The following DPPA4 variants were observed in gnomAD, a reference collection of about 807,000 sequenced individuals.
DPPA4 encodes the protein developmental pluripotency associated 4, also known as developmental pluripotency-associated protein 4.
In DPPA4, 22 loss-of-function variants were observed where a neutral mutation model predicts 33.7. The ratio of observed to expected loss-of-function variants is 0.65; its 90% CI spans 0.47 to 0.93. DPPA4 has a LOEUF of 0.93. Ranked by LOEUF, DPPA4 falls within the 40% of genes least tolerant of loss-of-function variation. The pLI is 0.00. For synonymous variants in DPPA4, 156 were observed against 132.3 expected, an observed-to-expected ratio of 1.18 and a Z score of -1.23; for missense variants, 340 against 358.6, an observed-to-expected ratio of 0.95 and a Z score of 0.42.
At chr3:109,337,977 CTAAG>C (rs1362968644), upstream of DPPA4, among the ~76,000 whole-genome samples, 1 of 152,212 alleles carries the variant, frequency 6.6e-6, no homozygotes, top group South Asian at 2.1e-4. Context: ...ATTCCATTTC[CTAAG>C]TAAGTTACTC....
intron 1 of DPPA4, among the ~76,000 whole-genome samples, chr3:109,337,052 C>G (rs1466386990): frequency 6.6e-6 from 1 of 152,062 alleles, no homozygotes; most frequent in African/African-American, 2.4e-5. Flanking sequence ...AGGTGTGCGC[C>G]ACCACACCTG....
chr3:109,333,973 C>T lies in DPPA4; in HGVS notation c.75G>A (p.Ser25=), dbSNP rs776564280. The change falls in exon 2 of 7, where the codon TCG becomes TCA. Residue 25 remains serine, a synonymous_variant. Coordinates refer to ENST00000335658, the MANE Select transcript of DPPA4 (RefSeq NM_018189.4). ...TAGAAGCCTGCTGATCCTCTTCCCT[C>T]GACTTCTCTGTGGAGGTCCACTGGG... ...KGKEWTSTEK[S]REEDQQASNQ... The T allele has an allele frequency of 8.1e-6, 13 of 1,614,008 alleles. No individual in the cohort carries two copies. Among genetic ancestry groups the T allele is most frequent in the East Asian group, 2.2e-5 (1 of 44,888 alleles).
chr3:109,338,541 G>GT (rs1008917785), upstream of DPPA4, among the ~76,000 whole-genome samples: 38 of 151,490 alleles, frequency 2.5e-4, no homozygotes, highest in Admixed American at 7.9e-4. Context: ...TTACTTTGTT[G>GT]TTTTTTTTTC....
chr3:109,330,996 T>C lies in DPPA4; in HGVS notation c.391-184A>G, dbSNP rs111947036. Among the ~76,000 whole-genome samples the C allele has an allele frequency of 5.6e-3, 848 of 151,956 alleles. 10 individuals are homozygous for C. Among genetic ancestry groups the C allele is most frequent in the African/African-American group, 0.019 (781 of 41,466 alleles). ...TACTGTCTTCTTGAAAATTGCTCAG[T>C]TGGCCACCCAGTGGCTCAGGTCTGT... On this transcript the variant is annotated intron_variant, in intron 4 of 6. Transcript: ENST00000335658.
At chr3:109,337,032 C>G (rs894991880) in intron 1 of DPPA4, among the ~76,000 whole-genome samples, 15 of 152,104 alleles carry the variant, frequency 9.9e-5, no homozygotes, top group African/African-American at 3.6e-4. Flanking sequence ...TCCCGAGTAG[C>G]TGGGATTACA....
intron 1 of DPPA4, chr3:109,336,306 A>T (rs1439688311): frequency 6.6e-6 from 1 of 152,152 alleles, no homozygotes; most frequent in Non-Finnish European, 1.5e-5. Context: ...CATAAACCTT[A>T]CAAAAAGTAC....
intron 5 of DPPA4, chr3:109,329,526 C>G (rs1708010534): frequency 6.1e-6 from 1 of 162,620 alleles, no homozygotes; most frequent in Admixed American, 5.8e-5. Flanking sequence ...CAGAGCGAGA[C>G]TCCATATCAA....
At position 109,328,131 on chromosome 3, in the gene DPPA4, G is replaced by C. The variant is rs1223728264; in HGVS notation, c.879-107C>G. On this transcript the variant is annotated intron_variant, in intron 6 of 6. Transcript: ENST00000335658. ...GTTGAAATTGCCCTTACAACTTTAG[G>C]ATCATAGGTAGCAAGCCTGTGATCC... The C allele has an allele frequency of 6.9e-6, 5 of 725,122 alleles. No homozygotes were observed. In the African/African-American group the frequency reaches 8.9e-5, roughly 13 times the overall value. 44.9% of individuals were successfully genotyped at this position (725,122 alleles called of 1,614,324 possible). A position where few individuals can be genotyped will look rare whatever the true frequency, so the allele number is the denominator to read the frequency against.
Position 109,337,465 on chromosome 3 carries a change from T to A in DPPA4, c.53A>T (p.Glu18Val), listed in dbSNP as rs1178429821. ...STSMEKAKGK[E>V]WTSTEKSREE... Reference sequence around the variant, plus strand: ...CAAATCCACTAAAACTGTACTGACCTCCTTGCCTTTTGCCTTCTCCATACT... The same window carrying A: ...CAAATCCACTAAAACTGTACTGACCACCTTGCCTTTTGCCTTCTCCATACT... The change falls in exon 1 of 7, where the codon GAG becomes GTG. Residue 18 changes from glutamate (E) to valine (V), a missense_variant and splice_region_variant. By Grantham distance (121) the Glu-to-Val change is moderately radical. Transcript: ENST00000335658. The A allele has an allele frequency of 6.2e-7, 1 of 1,613,710 alleles. No individual in the cohort carries two copies. The highest frequency in any genetic ancestry group is 8.5e-7 in the Non-Finnish European group (1 of 1,179,802).
chr3:109,332,243 A>G (rs1470345966), intron 2 of DPPA4: 1 of 347,260 alleles, frequency 2.9e-6, no homozygotes, highest in East Asian at 4.8e-5. Context: ...CTGGGATTAC[A>G]GACGCCCACC....
intron 4 of DPPA4, among the ~76,000 whole-genome samples, chr3:109,331,277 A>G (rs1407250621): frequency 6.8e-6 from 1 of 148,118 alleles, no homozygotes; most frequent in Non-Finnish European, 1.5e-5. Context: ...AAAAAAAAAA[A>G]AAAAAAAGAA....
At chr3:109,330,863 CAAA>C in intron 4 of DPPA4, 51 bp from the exon 5 acceptor site, 1 of 1,358,180 alleles carries the variant, frequency 7.4e-7, no homozygotes, top group Non-Finnish European at 9.7e-7. Flanking sequence ...AAAATTCTAA[CAAA>C]AATGGCCTAA....
chr3:109,337,647 A>G, upstream of DPPA4: 1 of 761,846 alleles, frequency 1.3e-6, no homozygotes, highest in Non-Finnish European at 2.3e-6. Context: ...CTCCCCCACA[A>G]TTTGTAAATG....
At chr3:109,339,583 C>A (rs945657440), upstream of DPPA4, among the ~76,000 whole-genome samples, 1 of 151,848 alleles carries the variant, frequency 6.6e-6, no homozygotes, top group Non-Finnish European at 1.5e-5. Context: ...TATAGTGAAA[C>A]CCCATTTCTA....
rs748000660 is a variant in DPPA4 at position 109,330,689 on chromosome 3, G to A, written c.514C>T (p.Pro172Ser). 3 of 1,614,146 alleles carry A rather than the reference G, an allele frequency of 1.9e-6. No homozygotes were observed. Among genetic ancestry groups the A allele is most frequent in the Non-Finnish European group, 2.5e-6 (3 of 1,180,022 alleles). ...ETHPPEVALP[P>S]VGEPPALENS... ...TCCAGGGCAGGCGGCTCCCCCACAG[G>A]AGGAAGAGCCACTTCAGGAGGATGT... Residue 172 changes from proline to serine, a missense_variant, in exon 5 of 7, where the codon CCT becomes TCT. This residue lies in a region of DPPA4 where 212 missense variants were observed against 206.5 expected (regional missense o/e 1.03). Transcript: ENST00000335658.
rs932767426 is a variant in DPPA4 at position 109,327,827 on chromosome 3, C to T, written c.*161G>A. ...CTATCTCCACTCACAAAGCAACAGG[C>T]ACTGCTAGGGGTCTTAGGCTAACAT... On this transcript the variant is annotated 3_prime_UTR_variant, in exon 7 of 7. Coordinates refer to ENST00000335658, the MANE Select transcript of DPPA4 (RefSeq NM_018189.4). 2.2e-5 allele frequency: 12 copies of T among 544,812 alleles called. No homozygotes were observed. Among genetic ancestry groups the T allele is most frequent in the African/African-American group, 1.9e-4 (10 of 51,980 alleles). 33.7% of individuals were successfully genotyped at this position (544,812 alleles called of 1,614,324 possible).
At position 109,336,931 on chromosome 3, in the gene DPPA4, C is replaced by T. The variant is rs1445653289; in HGVS notation, c.54+533G>A. Among the ~76,000 whole-genome samples the T allele has an allele frequency of 2.0e-5, 3 of 152,286 alleles. No homozygotes were observed. The South Asian group carries it at 6.2e-4, about 32-fold the overall frequency. On this transcript the variant is annotated intron_variant, in intron 1 of 6. Coordinates refer to ENST00000335658, the MANE Select transcript of DPPA4 (RefSeq NM_018189.4). ...CTTTTTCTTTTGAGGTGGAGTTTCG[C>T]TCTGGTTGCCCAAGCTGGGGGTGCA... is the stretch of plus-strand genomic sequence containing the variant.
Position 109,326,410 on chromosome 3 carries a change from G to C in DPPA4, c.*1578C>G, listed in dbSNP as rs1163440. The C allele has an allele frequency of 0.2, 30,605 of 151,994 alleles. 5,376 individuals carry two copies. Among genetic ancestry groups the C allele is most frequent in the African/African-American group, 0.46 (19,241 of 41,454 alleles). 9.4% of individuals were successfully genotyped at this position (151,994 alleles called of 1,614,324 possible). Reference sequence around the variant, plus strand: ...ATAATTCTGACCACCAACAACCAACGGCGGGGGCGGGCAGGAGAGAAGAAC... The same window carrying C: ...ATAATTCTGACCACCAACAACCAACCGCGGGGGCGGGCAGGAGAGAAGAAC... On this transcript the variant is annotated 3_prime_UTR_variant, in exon 7 of 7. Transcript: ENST00000335658.
chr3:109,338,939 C>G (rs919749194), upstream of DPPA4, among the ~76,000 whole-genome samples: 2 of 152,068 alleles, frequency 1.3e-5, no homozygotes, highest in African/African-American at 2.4e-5. Context: ...CGCCTGTAAT[C>G]TCAGCACTTT....
Sources: gnomAD v4.1 joint callset for allele counts (sites outside exome capture counted in the v4.1 genomes callset) on GRCh38, gnomAD v4.1.1 for gene constraint, gnomAD v4.1.1 regional missense constraint, MANE v1.5 for transcripts, NCBI Gene and HGNC (gene_info 2026-07-23, HGNC 2026-07-21) for gene names.